Variants in GPLD1 observed in about 807,000 individuals in gnomAD.
The protein encoded by GPLD1 is glycosylphosphatidylinositol specific phospholipase D1.
A neutral mutation model predicts 112.6 loss-of-function variants in GPLD1; 84 were observed. That is an observed-to-expected ratio of 0.75 (90% CI 0.63 to 0.89). The LOEUF is 0.89. Ranked by LOEUF, GPLD1 falls within the 40% of genes least tolerant of loss-of-function variation. The pLI is 0.00. For synonymous variants in GPLD1, 386 were observed against 403.8 expected (o/e 0.96, Z 0.53); for missense variants, 1,044 against 1,051.5 (o/e 0.99, Z 0.10).
chr6:24,452,047 T>C (rs1057294720), intron 14 of GPLD1, among the ~76,000 whole-genome samples: 1 of 152,222 alleles, frequency 6.6e-6, no homozygotes, highest in Non-Finnish European at 1.5e-5. Flanking sequence ...AGATGCTCAC[T>C]GCAGTCAGGG....
intron 12 of GPLD1, among the ~76,000 whole-genome samples, 179 bp from the exon 13 acceptor site, chr6:24,456,816 T>C (rs1763283071): frequency 6.6e-6 from 1 of 152,138 alleles, no homozygotes; most frequent in South Asian, 2.1e-4. Flanking sequence ...GCAATTAGGA[T>C]AGTGAAATCA....
At chr6:24,447,847 T>A in intron 17 of GPLD1, 30 bp downstream of exon 17, 1 of 1,610,614 alleles carries the variant, frequency 6.2e-7, no homozygotes. Context: ...AGAGCAGCCA[T>A]GGTCTCACCC....
chr6:24,466,725 G>A lies in GPLD1; in HGVS notation c.776C>T (p.Thr259Ile). 1 of 1,612,310 alleles carries A rather than the reference G, an allele frequency of 6.2e-7. No individual in the cohort carries two copies. Among genetic ancestry groups the A allele is most frequent in the Non-Finnish European group, 8.5e-7 (1 of 1,178,346 alleles). Reference protein sequence around the residue: ...GGLDDMAFWSTNIYHLTSFML... With the variant: ...GGLDDMAFWSINIYHLTSFML... ...GAAGCTTGTTAGATGGTAAATATTA[G>A]TGGACCAAAATGCCATATCATCCAG... is the stretch of plus-strand genomic sequence containing the variant. Residue 259 changes from threonine (T) to isoleucine (I), a missense_variant, in exon 10 of 25, where the codon ACT becomes ATT. Transcript: ENST00000230036.
At chr6:24,478,290 T>C (rs1421258531) in intron 3 of GPLD1, among the ~76,000 whole-genome samples, 1 of 152,126 alleles carries the variant, frequency 6.6e-6, no homozygotes, top group African/African-American at 2.4e-5. Context: ...GAAATGATAG[T>C]TAACAGACTA....
chr6:24,458,436 T>G (rs1763333162), intron 12 of GPLD1, among the ~76,000 whole-genome samples: 1 of 152,186 alleles, frequency 6.6e-6, no homozygotes, highest in South Asian at 2.1e-4. Flanking sequence ...AGTCCCTCCT[T>G]AGACAATTCA....
intron 15 of GPLD1, among the ~76,000 whole-genome samples, chr6:24,449,300 G>C (rs1763006865): frequency 2.0e-5 from 3 of 152,098 alleles, no homozygotes; most frequent in Non-Finnish European, 4.4e-5. Flanking sequence ...AGTCACACAT[G>C]GTGCCCGGAT....
At chr6:24,473,478 C>T (rs1763895391) in intron 6 of GPLD1, 141 bp downstream of exon 6, 4 of 563,094 alleles carry the variant, frequency 7.1e-6, no homozygotes, top group Non-Finnish European at 1.3e-5. Context: ...TACATCTCTA[C>T]TCTAAATGAA....
chr6:24,437,081 A>G, intron 21 of GPLD1, 32 bp downstream of exon 21: 1 of 1,602,796 alleles, frequency 6.2e-7, no homozygotes, highest in Non-Finnish European at 8.5e-7. Flanking sequence ...AAGGGACTCA[A>G]TTCTTGTCAA....
chr6:24,443,664 CTTGTTTTT>C (rs905410902), intron 20 of GPLD1, among the ~76,000 whole-genome samples: 145 of 151,922 alleles, frequency 9.5e-4, no homozygotes, highest in African/African-American at 3.2e-3. Context: ...GCCTAATCCA[CTTGTTTTT>C]TTGTTTTTTT....
At chr6:24,462,646 C>G in intron 11 of GPLD1, 84 bp downstream of exon 11, 1 of 856,082 alleles carries the variant, frequency 1.2e-6, no homozygotes, top group Non-Finnish European at 2.0e-6. Flanking sequence ...TGTCTCTCAA[C>G]AGATCCCGTG....
intron 14 of GPLD1, among the ~76,000 whole-genome samples, chr6:24,453,657 TTAAAA>T (rs1386739668): frequency 3.3e-5 from 5 of 151,446 alleles, no homozygotes; most frequent in Admixed American, 6.6e-5. Context: ...AATTAATTAA[TTAAAA>T]TAAAATACTT....
chr6:24,482,097 A>ATTTTGT (rs781099419), intron 2 of GPLD1, among the ~76,000 whole-genome samples: 1 of 103,224 alleles, frequency 9.7e-6, no homozygotes, highest in African/African-American at 3.9e-5. Context: ...GTATTTTTGG[A>ATTTTGT]TTTTTTTTTT....
intron 2 of GPLD1, among the ~76,000 whole-genome samples, chr6:24,480,909 G>A (rs1764180712): frequency 6.6e-6 from 1 of 152,228 alleles, no homozygotes; most frequent in Non-Finnish European, 1.5e-5. Context: ...CCACAGCAGA[G>A]GTAGCACAGC....
At chr6:24,489,752 A>G (rs76421334), upstream of GPLD1, 33 of 530,158 alleles carry the variant, frequency 6.2e-5, no homozygotes, top group African/African-American at 4.7e-4. Flanking sequence ...TTGGGAGGAT[A>G]AACTGAAATC....
chr6:24,430,050 T>C (rs1250016729), intron 24 of GPLD1, among the ~76,000 whole-genome samples: 3 of 152,190 alleles, frequency 2.0e-5, no homozygotes, highest in Non-Finnish European at 2.9e-5. Flanking sequence ...ATAATAATAA[T>C]AGCTAAAATT....
chr6:24,449,108 A>G (rs544284185), intron 15 of GPLD1, among the ~76,000 whole-genome samples: 23 of 151,480 alleles, frequency 1.5e-4, no homozygotes, highest in African/African-American at 4.3e-4. Flanking sequence ...CTAAAGAAAG[A>G]CAGGGGAGAA....
intron 12 of GPLD1, 100 bp downstream of exon 12, chr6:24,460,179 G>C (rs768419582): frequency 1.5e-5 from 21 of 1,403,534 alleles, no homozygotes; most frequent in Non-Finnish European, 1.9e-5. Flanking sequence ...CCCACCACAG[G>C]TAAATTTCAA....
chr6:24,468,890 C>T (rs191677009), intron 7 of GPLD1, among the ~76,000 whole-genome samples: 11 of 152,302 alleles, frequency 7.2e-5, no homozygotes, highest in East Asian at 3.9e-4. Flanking sequence ...TGTTGTCATC[C>T]GGACCTCCTG....
chr6:24,489,806 T>C, upstream of GPLD1, among the ~76,000 whole-genome samples: 1 of 152,082 alleles, frequency 6.6e-6, no homozygotes, highest in East Asian at 1.9e-4. Flanking sequence ...TGACCGAGGT[T>C]TTTTCTGGAT....
Sources: allele counts gnomAD v4.1 joint callset (sites outside exome capture counted in the v4.1 genomes callset), GRCh38; gene constraint gnomAD v4.1.1; transcripts MANE v1.5; gene names NCBI Gene and HGNC (gene_info 2026-07-23, HGNC 2026-07-21).